TRPM7: variants seen among roughly 807,000 people sequenced by gnomAD.
The protein encoded by TRPM7 is transient receptor potential cation channel subfamily M member 7.
In TRPM7, 134 loss-of-function variants were observed where a neutral mutation model predicts 229.7. The observed-to-expected ratio is 0.58, with a 90% CI of 0.51 to 0.67. TRPM7 has a LOEUF of 0.67. Ranked by LOEUF, TRPM7 falls within the 30% of genes least tolerant of loss-of-function variation. The pLI, the probability that TRPM7 is intolerant of heterozygous loss-of-function variation, is 0.00. For missense variants in TRPM7, 1,901 were observed against 2,210.0 expected (o/e 0.86, Z 2.80); for synonymous variants, 699 against 715.2 (o/e 0.98, Z 0.36).
At chr15:50,642,275 C>T (rs2061125481) in intron 5 of TRPM7, among the ~76,000 whole-genome samples, 1 of 152,088 alleles carries the variant, frequency 6.6e-6, no homozygotes, top group Non-Finnish European at 1.5e-5. Context: ...GGTCAAAAAC[C>T]TTTTTCTAAA....
intron 21 of TRPM7, among the ~76,000 whole-genome samples, chr15:50,600,803 T>C (rs1298157283): frequency 6.6e-6 from 1 of 152,190 alleles, no homozygotes; most frequent in African/African-American, 2.4e-5. Context: ...AAAATGTCAA[T>C]TCAAATGAAG....
intron 1 of TRPM7, among the ~76,000 whole-genome samples, chr15:50,679,503 A>G (rs1381298363): frequency 2.6e-5 from 2 of 76,148 alleles, no homozygotes; most frequent in Admixed American, 2.0e-4. Flanking sequence ...ATATATGTGT[A>G]TATATATAAT....
At position 50,580,890 on chromosome 15, in the gene TRPM7, G is replaced by C. The variant is rs752999122; in HGVS notation, c.4576C>G (p.Pro1526Ala). 6.3e-7 allele frequency: 1 copy of C among 1,584,976 alleles called. No individual in the cohort carries two copies. The highest frequency in any genetic ancestry group is 1.9e-5 in the Admixed American group (1 of 53,324). Reference protein sequence around the residue: ...ALIPDWLQDRPSNREMPSEEG... With the variant: ...ALIPDWLQDRASNREMPSEEG... ...CTTACTTACATTTCTCTGTTTGATGGTCTATCTTGTAACCAATCCTTCAGT... is the reference window on the plus strand; with the variant it reads ...CTTACTTACATTTCTCTGTTTGATGCTCTATCTTGTAACCAATCCTTCAGT... Residue 1526 changes from proline to alanine, a missense_variant, in exon 30 of 39, where the codon CCA becomes GCA. By Grantham distance (27) the Pro-to-Ala change is conservative. Transcript: ENST00000646667.
At chr15:50,607,599 G>C (rs934933745) in intron 19 of TRPM7, among the ~76,000 whole-genome samples, 6 of 152,048 alleles carry the variant, frequency 3.9e-5, no homozygotes, top group African/African-American at 1.4e-4. Flanking sequence ...TTTACAATCA[G>C]GTTTATGTTC....
chr15:50,609,556 A>G (rs779516108), intron 19 of TRPM7, 25 bp downstream of exon 19: 1 of 1,589,636 alleles, frequency 6.3e-7, no homozygotes, highest in South Asian at 1.2e-5. Context: ...TAAAAACATT[A>G]TGCTTGTGTA....
chr15:50,612,861 TATA>T (rs1365422734), intron 15 of TRPM7, 32 bp from the exon 16 acceptor site: 1 of 1,573,316 alleles, frequency 6.4e-7, no homozygotes. Context: ...TAAAGCTCAT[TATA>T]ATAAGGCCAT....
intron 7 of TRPM7, among the ~76,000 whole-genome samples, chr15:50,636,710 C>T (rs2060917946): frequency 6.6e-6 from 1 of 152,132 alleles, no homozygotes; most frequent in African/African-American, 2.4e-5. Flanking sequence ...TTTTAAGACA[C>T]ATTTAGCCAA....
At chr15:50,669,262 C>CATCTCTACTAAAAATA (rs199800840) in intron 1 of TRPM7, among the ~76,000 whole-genome samples, 2,046 of 151,980 alleles carry the variant, frequency 0.013, 43 homozygotes, top group African/African-American at 0.047. Context: ...GCCAAGACCT[C>CATCTCTACTAAAAATA]ATCTCTACTA....
At chr15:50,595,781 T>C (rs947465194) in intron 23 of TRPM7, among the ~76,000 whole-genome samples, 1 of 152,138 alleles carries the variant, frequency 6.6e-6, no homozygotes, top group Non-Finnish European at 1.5e-5. Context: ...TGAGAATCCC[T>C]TGAACCCTGA....
At chr15:50,639,669 C>T (rs1018559660) in intron 5 of TRPM7, 121 bp from the exon 6 acceptor site, 12 of 784,064 alleles carry the variant, frequency 1.5e-5, no homozygotes, top group Admixed American at 8.8e-5. Context: ...TGGACTCAAG[C>T]GATCCTCCCT....
chr15:50,578,059 T>G (rs1332674161), intron 31 of TRPM7, among the ~76,000 whole-genome samples: 1 of 152,124 alleles, frequency 6.6e-6, no homozygotes, highest in Non-Finnish European at 1.5e-5. Context: ...AACTATTGTT[T>G]TAGGGGCAGG....
At chr15:50,614,093 T>C (rs765132060) in intron 14 of TRPM7, 30 bp downstream of exon 14, 8 of 1,556,558 alleles carry the variant, frequency 5.1e-6, no homozygotes, top group South Asian at 1.2e-5. Flanking sequence ...TTAAAGCATA[T>C]ATATAGATTT....
Position 50,613,587 on chromosome 15 carries a change from A to G in TRPM7, c.1770+120T>C, listed in dbSNP as rs183475013. On this transcript the variant is annotated intron_variant, in intron 15 of 38. Coordinates refer to ENST00000646667, the MANE Select transcript of TRPM7 (RefSeq NM_017672.6). ...TGTGAGAAAATGACAATTCTAGGAC[A>G]TATCCAAAAACGAAAGGTAATTCTT... The G allele has an allele frequency of 1.1e-3, 874 of 800,476 alleles. 12 individuals are homozygous for G. In the Admixed American group the frequency reaches 0.025, roughly 23 times the overall value. The allele number at this position is 800,476 out of a possible 1,614,324, so 49.6% of individuals were successfully genotyped here.
chr15:50,631,640 A>G (rs965862597), intron 9 of TRPM7, 151 bp from the exon 10 acceptor site: 8 of 430,116 alleles, frequency 1.9e-5, no homozygotes, highest in African/African-American at 1.4e-4. Context: ...ATACATACAC[A>G]TAATATATTT....
In TRPM7 at chr15:50,559,712, G is replaced by T. The variant is rs770859979; in HGVS notation, c.*1966C>A. On this transcript the variant is annotated 3_prime_UTR_variant, in exon 39 of 39. Coordinates refer to ENST00000646667, the MANE Select transcript of TRPM7 (RefSeq NM_017672.6). ...ATAACATTGTTATAAGGATTAAGTAGGTTAATATATGTGAAATACTTAGAG... is the reference window on the plus strand; with the variant it reads ...ATAACATTGTTATAAGGATTAAGTATGTTAATATATGTGAAATACTTAGAG... The T allele has an allele frequency of 6.6e-6, 1 of 152,048 alleles. No homozygotes were observed. The highest frequency in any genetic ancestry group is 6.6e-5 in the Admixed American group (1 of 15,256). The allele number at this position is 152,048 out of a possible 1,614,324, so 9.4% of individuals were successfully genotyped here.
intron 27 of TRPM7, chr15:50,588,181 G>C: frequency 1.0e-6 from 1 of 979,898 alleles, no homozygotes. Context: ...ATATACTAAA[G>C]AGACTTTACC....
At chr15:50,675,564 C>G (rs1327552814) in intron 1 of TRPM7, among the ~76,000 whole-genome samples, 2 of 152,126 alleles carry the variant, frequency 1.3e-5, no homozygotes, top group Non-Finnish European at 2.9e-5. Flanking sequence ...TTGTAAATAT[C>G]ACCTAATGAT....
At chr15:50,684,215 G>T (rs1376502860) in intron 1 of TRPM7, among the ~76,000 whole-genome samples, 1 of 151,330 alleles carries the variant, frequency 6.6e-6, no homozygotes, top group African/African-American at 2.4e-5. Flanking sequence ...TGCAGTGGCA[G>T]GATCTCCGCT....
At chr15:50,572,836 G>A (rs968775637) in intron 36 of TRPM7, among the ~76,000 whole-genome samples, 1 of 152,182 alleles carries the variant, frequency 6.6e-6, no homozygotes, top group Admixed American at 6.5e-5. Context: ...GTACACTAAA[G>A]AGTCACTGAG....
Sources: allele counts gnomAD v4.1 joint callset (sites outside exome capture counted in the v4.1 genomes callset), GRCh38; gene constraint gnomAD v4.1.1; transcripts MANE v1.5; gene names NCBI Gene and HGNC (gene_info 2026-07-23, HGNC 2026-07-21).